The following SEMA5A variants were observed in gnomAD, a reference collection of about 807,000 sequenced individuals.
SEMA5A encodes semaphorin-5A.
Under a neutral mutation model 135.5 loss-of-function variants are expected in SEMA5A, and 55 were observed. The ratio of observed to expected loss-of-function variants is 0.41; its 90% CI spans 0.33 to 0.51. SEMA5A has a LOEUF of 0.51. Ranked by LOEUF, SEMA5A falls within the 20% of genes least tolerant of loss-of-function variation. SEMA5A has a pLI of 0.37. For missense variants in SEMA5A, 1,290 were observed against 1,419.9 expected (o/e 0.91, Z 1.47); for synonymous variants, 580 against 546.5 (o/e 1.06, Z -0.85).
rs139191700 is a variant in SEMA5A at position 9,044,439 on chromosome 5, G to C, written c.3039C>G (p.Pro1013=). 5 of 1,613,966 alleles carry C rather than the reference G, an allele frequency of 3.1e-6. No homozygotes were observed. The South Asian group carries it at 3.3e-5, about 11-fold the overall frequency. The change falls in exon 22 of 23, where the codon CCC becomes CCG. Residue 1013 remains proline, a synonymous_variant. Coordinates refer to ENST00000382496, the MANE Select transcript of SEMA5A (RefSeq NM_003966.3). Reference sequence around the variant, plus strand: ...TGTGGTTGGTTATGCTGGTATTAAGGGGGGCAGGTGAGACGGGGTGGATGA... The same window carrying C: ...TGTGGTTGGTTATGCTGGTATTAAGCGGGGCAGGTGAGACGGGGTGGATGA... ...ATVIHPVSPA[P]LNTSITNHIN... is the part of the protein sequence containing the mutation.
chr5:9,168,050 C>T (rs532823168), intron 11 of SEMA5A, among the ~76,000 whole-genome samples: 3 of 152,266 alleles, frequency 2.0e-5, no homozygotes, highest in Non-Finnish European at 2.9e-5. Flanking sequence ...CTCCTAACTT[C>T]CTATGCACCC....
chr5:9,298,252 A>C (rs929625668), intron 5 of SEMA5A, among the ~76,000 whole-genome samples: 2 of 152,220 alleles, frequency 1.3e-5, no homozygotes, highest in African/African-American at 4.8e-5. Flanking sequence ...ATGTGAAGAC[A>C]TGCAGGAGAA....
At chr5:9,455,416 C>T (rs1758797329) in intron 1 of SEMA5A, among the ~76,000 whole-genome samples, 1 of 151,936 alleles carries the variant, frequency 6.6e-6, no homozygotes, top group East Asian at 1.9e-4. Context: ...CCACCATGCC[C>T]AGCTAATTTT....
intron 12 of SEMA5A, among the ~76,000 whole-genome samples, chr5:9,139,672 G>C (rs918528548): frequency 6.6e-6 from 1 of 152,086 alleles, no homozygotes; most frequent in African/African-American, 2.4e-5. Context: ...AGCCCTCTCT[G>C]AGTAATATTT....
chr5:9,402,884 C>T (rs1561224517), intron 2 of SEMA5A, among the ~76,000 whole-genome samples: 1 of 152,176 alleles, frequency 6.6e-6, no homozygotes, highest in Non-Finnish European at 1.5e-5. Context: ...TTAAACCCAT[C>T]TATCAGGAAC....
At chr5:9,074,394 C>A (rs1165098975) in intron 16 of SEMA5A, among the ~76,000 whole-genome samples, 3 of 152,106 alleles carry the variant, frequency 2.0e-5, no homozygotes, top group African/African-American at 7.2e-5. Context: ...CTCCTAGAAG[C>A]AAACACATGA....
chr5:9,458,849 C>T (rs953833473), intron 1 of SEMA5A, among the ~76,000 whole-genome samples: 58 of 152,194 alleles, frequency 3.8e-4, no homozygotes, highest in African/African-American at 1.2e-3. Context: ...GGAGTCCCAA[C>T]GATGTGCACA....
intron 3 of SEMA5A, among the ~76,000 whole-genome samples, chr5:9,379,272 G>C (rs1180798701): frequency 6.6e-6 from 1 of 152,160 alleles, no homozygotes; most frequent in African/African-American, 2.4e-5. Flanking sequence ...ATGCTTGAGT[G>C]CCCCGGGTGT....
chr5:9,315,301 A>G (rs1752341644), intron 5 of SEMA5A, among the ~76,000 whole-genome samples: 1 of 152,202 alleles, frequency 6.6e-6, no homozygotes, highest in Non-Finnish European at 1.5e-5. Flanking sequence ...CTATTTTGAT[A>G]TAAGTTACAG....
intron 4 of SEMA5A, among the ~76,000 whole-genome samples, chr5:9,330,540 C>G (rs1180255625): frequency 2.6e-5 from 4 of 151,972 alleles, no homozygotes; most frequent in Non-Finnish European, 5.9e-5. Context: ...AAGCACACAC[C>G]CTGAGCCAGC....
At chr5:9,325,724 A>C (rs1417321033) in intron 4 of SEMA5A, among the ~76,000 whole-genome samples, 1 of 152,102 alleles carries the variant, frequency 6.6e-6, no homozygotes, top group Non-Finnish European at 1.5e-5. Flanking sequence ...ATAAAACTTA[A>C]CTTTGACCTC....
chr5:9,365,879 G>A (rs565285816), intron 3 of SEMA5A, among the ~76,000 whole-genome samples: 30 of 152,094 alleles, frequency 2.0e-4, no homozygotes, highest in Non-Finnish European at 3.8e-4. Flanking sequence ...AAAACCAAGG[G>A]CAAGAGCCAA....
At chr5:9,348,192 C>T (rs920745425) in intron 3 of SEMA5A, among the ~76,000 whole-genome samples, 6 of 152,080 alleles carry the variant, frequency 3.9e-5, no homozygotes, top group African/African-American at 1.4e-4. Flanking sequence ...AGTTGCCTTC[C>T]CTTTTGTTTA....
chr5:9,395,977 C>G (rs1286166214), intron 2 of SEMA5A, among the ~76,000 whole-genome samples: 1 of 152,030 alleles, frequency 6.6e-6, no homozygotes, highest in Non-Finnish European at 1.5e-5. Context: ...TCAGATGTTT[C>G]CCAAGCACAA....
chr5:9,404,519 G>A (rs1272268180), intron 2 of SEMA5A, among the ~76,000 whole-genome samples: 9 of 152,272 alleles, frequency 5.9e-5, no homozygotes, highest in East Asian at 3.9e-4. Context: ...ATCTTTCTGC[G>A]AAGGCTAAAT....
chr5:9,054,336 G>A (rs1736770327), intron 18 of SEMA5A, 79 bp from the exon 19 acceptor site: 7 of 1,518,478 alleles, frequency 4.6e-6, no homozygotes, highest in South Asian at 3.9e-5. Context: ...TGGAAGCTAA[G>A]TGGATTCTGT....
intron 1 of SEMA5A, among the ~76,000 whole-genome samples, chr5:9,524,420 C>T (rs1737011970): frequency 1.3e-5 from 2 of 152,156 alleles, no homozygotes; most frequent in African/African-American, 4.8e-5. Context: ...AGGGAGCACT[C>T]CACGTGACTA....
intron 1 of SEMA5A, chr5:9,520,080 C>A (rs1157439468): frequency 6.6e-6 from 1 of 152,278 alleles, no homozygotes. Flanking sequence ...AGCCATGGCA[C>A]CTCAGGAAGG....
chr5:9,455,153 G>A lies in SEMA5A; in HGVS notation c.-174-17301C>T, dbSNP rs1211524992. The stretch of plus-strand genomic sequence containing the variant: ...TGGGGCTTTACCTGACCCTGTCCCT[G>A]TCCCTGAAGCTGAGTGAACTGCAGA... On this transcript the variant is annotated intron_variant, in intron 1 of 22. Coordinates refer to ENST00000382496, the MANE Select transcript of SEMA5A (RefSeq NM_003966.3). Among the ~76,000 whole-genome samples, 10 of 152,156 alleles carry A rather than the reference G, an allele frequency of 6.6e-5. No homozygotes were observed. In the South Asian group the frequency reaches 2.1e-3, roughly 32 times the overall value.
Sources: gnomAD v4.1 joint callset for allele counts (sites outside exome capture counted in the v4.1 genomes callset) on GRCh38, gnomAD v4.1.1 for gene constraint, MANE v1.5 for transcripts, NCBI Gene and HGNC (gene_info 2026-07-23, HGNC 2026-07-21) for gene names.